NDUFAF6: variants seen among roughly 807,000 people sequenced by gnomAD.
The protein encoded by NDUFAF6 is NADH:ubiquinone oxidoreductase complex assembly factor 6.
A neutral mutation model predicts 40.8 loss-of-function variants in NDUFAF6; 45 were observed. The ratio of observed to expected loss-of-function variants is 1.10; its 90% CI spans 0.87 to 1.42. NDUFAF6 has a LOEUF of 1.42. Ranked by LOEUF, NDUFAF6 falls within the 40% of genes most tolerant of loss-of-function variation. NDUFAF6 has a pLI of 0.00. For missense variants in NDUFAF6, 435 were observed against 418.5 expected (o/e 1.04, Z -0.34); for synonymous variants, 185 against 155.9 (o/e 1.19, Z -1.39).
intron 1 of NDUFAF6, among the ~76,000 whole-genome samples, chr8:94,980,498 C>T (rs1480701145): frequency 7.3e-6 from 1 of 137,382 alleles, no homozygotes; most frequent in Non-Finnish European, 1.5e-5. Flanking sequence ...AACTGGAGTG[C>T]AGTGGTGTGA....
chr8:95,066,549 CAT>C (rs1200026493), intron 9 of NDUFAF6, among the ~76,000 whole-genome samples: 1 of 152,062 alleles, frequency 6.6e-6, no homozygotes, highest in East Asian at 1.9e-4. Flanking sequence ...TTTTTTAAAT[CAT>C]TGTCTAAAGT....
At chr8:95,021,064 T>A (rs11786878), upstream of NDUFAF6, among the ~76,000 whole-genome samples, 16,419 of 152,236 alleles carry the variant, frequency 0.11, 1,094 homozygotes, top group Middle Eastern at 0.22. Context: ...TTGATTTAGG[T>A]CTTGAATCAC....
upstream of NDUFAF6, among the ~76,000 whole-genome samples, chr8:95,024,169 G>A (rs1007607043): frequency 3.3e-5 from 5 of 152,212 alleles, no homozygotes; most frequent in Admixed American, 2.6e-4. Flanking sequence ...GCCTATGGCC[G>A]TCTTCACTTC....
chr8:94,964,608 A>G (rs1406471361), intron 1 of NDUFAF6, among the ~76,000 whole-genome samples: 14 of 152,152 alleles, frequency 9.2e-5, no homozygotes, highest in Non-Finnish European at 1.8e-4. Flanking sequence ...GGCATGTTAC[A>G]TGGCAAGAGA....
intron 2 of NDUFAF6, chr8:94,949,138 C>CCG (rs1822311046): frequency 6.7e-6 from 1 of 149,382 alleles, no homozygotes; most frequent in South Asian, 2.1e-4. Context: ...CCCGCCCGCC[C>CCG]CCCCCCGGCA....
intron 1 of NDUFAF6, among the ~76,000 whole-genome samples, chr8:94,972,769 G>A (rs1431539719): frequency 6.7e-6 from 1 of 148,584 alleles, no homozygotes; most frequent in African/African-American, 2.5e-5. Flanking sequence ...GCATGGTGGT[G>A]CATGCCTGTA....
intron 2 of NDUFAF6, among the ~76,000 whole-genome samples, chr8:95,093,964 C>G (rs4734299): frequency 6.6e-6 from 1 of 151,968 alleles, no homozygotes; most frequent in African/African-American, 2.4e-5. Flanking sequence ...GAAATAAATA[C>G]TTCCTTTTTT....
intron 2 of NDUFAF6, 127 bp from the exon 3 acceptor site, chr8:95,035,327 A>G: frequency 1.3e-5 from 11 of 870,704 alleles, no homozygotes; most frequent in Non-Finnish European, 1.8e-5. Context: ...CAAAAAATGT[A>G]GTCATGTATT....
At chr8:95,086,665 G>A (rs1809055441) in intron 2 of NDUFAF6, among the ~76,000 whole-genome samples, 2 of 148,068 alleles carry the variant, frequency 1.4e-5, no homozygotes, top group Non-Finnish European at 3.0e-5. Context: ...GCAGTGGCGC[G>A]ATCTCCGCTC....
chr8:94,929,086 A>ACTGG (rs747301984), intron 1 of NDUFAF6: 4 of 152,636 alleles, frequency 2.6e-5, no homozygotes, highest in African/African-American at 4.8e-5. Context: ...CTCTAAGTTA[A>ACTGG]CTGGCCTACG....
At chr8:95,044,856 T>C (rs10107910) in intron 4 of NDUFAF6, among the ~76,000 whole-genome samples, 1,955 of 152,216 alleles carry the variant, frequency 0.013, 31 homozygotes, top group African/African-American at 0.044. Flanking sequence ...TTTGCCCTAA[T>C]AATAGTCTTT....
chr8:94,900,868 CATTTT>C (rs1554621342), intron 1 of NDUFAF6, among the ~76,000 whole-genome samples: 1 of 152,102 alleles, frequency 6.6e-6, no homozygotes, highest in Non-Finnish European at 1.5e-5. Context: ...GAGGAGGTGA[CATTTT>C]ATTTAGTTCA....
chr8:94,931,764 G>A (rs1820424999), intron 1 of NDUFAF6, among the ~76,000 whole-genome samples: 1 of 152,106 alleles, frequency 6.6e-6, no homozygotes, highest in African/African-American at 2.4e-5. Flanking sequence ...CACCTTAATA[G>A]AGTTCAAGAC....
At position 95,109,805 on chromosome 8, in the gene NDUFAF6, CTG is replaced by C. The variant is rs550553148; in HGVS notation, n.345-5730_345-5729del. On this transcript the variant is annotated intron_variant and non_coding_transcript_variant, in intron 4 of 5. Transcript: ENST00000523184. ...CCTGCCTGCTTTGCTGATAAGGAAA[CTG>C]AAATTCAGATTGGTAAAGTGAAAAT... Among the ~76,000 whole-genome samples the C allele has an allele frequency of 9.2e-5, 14 of 152,296 alleles. No individual in the cohort carries two copies. The South Asian group carries it at 1.9e-3, about 20-fold the overall frequency.
chr8:94,963,145 C>T (rs1238556282), intron 1 of NDUFAF6, among the ~76,000 whole-genome samples: 1 of 152,152 alleles, frequency 6.6e-6, no homozygotes, highest in Non-Finnish European at 1.5e-5. Flanking sequence ...TAAATCACTG[C>T]AGTCAGGCTC....
chr8:95,008,380 C>CT (rs1373413077), intron 2 of NDUFAF6, among the ~76,000 whole-genome samples: 1 of 152,190 alleles, frequency 6.6e-6, no homozygotes, highest in Non-Finnish European at 1.5e-5. Context: ...TAAAGCCTAG[C>CT]TTTTCCTTAG....
intron 2 of NDUFAF6, among the ~76,000 whole-genome samples, chr8:95,016,465 C>T (rs1194529585): frequency 6.6e-6 from 1 of 152,202 alleles, no homozygotes; most frequent in Non-Finnish European, 1.5e-5. Flanking sequence ...GAACATCTGG[C>T]CGAGCGTGGT....
chr8:94,928,447 TATAAAACATACACACCTTC>T (rs1820085661), intron 1 of NDUFAF6: 1 of 152,498 alleles, frequency 6.6e-6, no homozygotes, highest in Admixed American at 6.5e-5. Flanking sequence ...ACAAACATCG[TATAAAACATACACACCTTC>T]ATGGAAACTA....
intron 1 of NDUFAF6, among the ~76,000 whole-genome samples, chr8:94,909,817 C>T (rs532499880): frequency 6.1e-4 from 90 of 148,712 alleles, no homozygotes; most frequent in Middle Eastern, 3.5e-3. Context: ...TATATATACA[C>T]ACACACACAC....
Sources: gnomAD v4.1 joint callset for allele counts (sites outside exome capture counted in the v4.1 genomes callset) on GRCh38, gnomAD v4.1.1 for gene constraint, MANE v1.5 for transcripts, NCBI Gene and HGNC (gene_info 2026-07-23, HGNC 2026-07-21) for gene names.